Variants in DCC observed in about 807,000 individuals in gnomAD.
DCC encodes netrin receptor DCC.
In DCC, 58 loss-of-function variants were observed where a neutral mutation model predicts 172.5. That is an observed-to-expected ratio of 0.34 (90% CI 0.27 to 0.42). DCC has a LOEUF of 0.42. Among genes scored for constraint, DCC ranks in the 10% least tolerant of loss-of-function variants. The pLI is 1.00. For missense variants in DCC, 1,740 were observed against 1,791.0 expected (o/e 0.97, Z 0.51); for synonymous variants, 709 against 644.5 (o/e 1.10, Z -1.52).
intron 5 of DCC, among the ~76,000 whole-genome samples, chr18:52,988,560 C>T (rs966800315): frequency 6.6e-6 from 1 of 151,872 alleles, no homozygotes. Context: ...GTTATAAAAT[C>T]TATAATAAAT....
At chr18:52,404,654 TGTTTTC>T (rs1398838794) in intron 1 of DCC, among the ~76,000 whole-genome samples, 2 of 143,630 alleles carry the variant, frequency 1.4e-5, no homozygotes, top group African/African-American at 5.9e-5. Flanking sequence ...TTTTCTTTTT[TGTTTTC>T]TTTTTTTTTT....
chr18:52,612,060 G>A (rs1044052919), intron 1 of DCC, among the ~76,000 whole-genome samples: 1 of 151,972 alleles, frequency 6.6e-6, no homozygotes, highest in Non-Finnish European at 1.5e-5. Flanking sequence ...CACTTCTGTG[G>A]GTTGATGACT....
At chr18:53,121,109 C>T (rs1229320270) in intron 7 of DCC, among the ~76,000 whole-genome samples, 1 of 151,648 alleles carries the variant, frequency 6.6e-6, no homozygotes, top group Non-Finnish European at 1.5e-5. Context: ...TAGTGAGATG[C>T]CATAAAGCCA....
chr18:52,464,327 A>G (rs1244280453), intron 1 of DCC, among the ~76,000 whole-genome samples: 2 of 152,174 alleles, frequency 1.3e-5, no homozygotes, highest in African/African-American at 4.8e-5. Context: ...ACACCCAAAC[A>G]TCAGTGCTTA....
rs556707694 is a variant in DCC at position 53,262,984 on chromosome 18, T to C, written c.1912-42594T>C. On this transcript the variant is annotated intron_variant, in intron 12 of 28. Coordinates refer to ENST00000442544, the MANE Select transcript of DCC (RefSeq NM_005215.4). ...AGCATATCTGTAGATTTATTGGTCT[T>C]TCATTGGTAAGCATTGGCAATGAAA... 3.2e-4 allele frequency among the ~76,000 whole-genome samples: 49 copies of C among 152,310 alleles called. 1 individual carries two copies. The South Asian group carries it at 5.2e-3, about 16-fold the overall frequency.
chr18:52,843,275 G>T (rs1054604499), intron 2 of DCC, among the ~76,000 whole-genome samples: 1 of 152,126 alleles, frequency 6.6e-6, no homozygotes, highest in Non-Finnish European at 1.5e-5. Context: ...GGATGATTTA[G>T]CTTTAAGGGT....
chr18:53,097,360 G>A (rs1186591298), intron 7 of DCC, among the ~76,000 whole-genome samples: 1 of 152,118 alleles, frequency 6.6e-6, no homozygotes, highest in Non-Finnish European at 1.5e-5. Context: ...ACATCCTGTT[G>A]CCACCTATAT....
At chr18:53,263,245 G>A (rs2056627072) in intron 12 of DCC, among the ~76,000 whole-genome samples, 1 of 152,238 alleles carries the variant, frequency 6.6e-6, no homozygotes, top group African/African-American at 2.4e-5. Flanking sequence ...TCCGCCTCTG[G>A]GGTTCAAGCG....
At chr18:53,203,661 T>G (rs1001908339) in intron 9 of DCC, among the ~76,000 whole-genome samples, 4 of 152,214 alleles carry the variant, frequency 2.6e-5, no homozygotes, top group African/African-American at 9.6e-5. Flanking sequence ...ATCAACAGAT[T>G]CATGCCAGTC....
chr18:52,420,000 C>A (rs1444051375), intron 1 of DCC, among the ~76,000 whole-genome samples: 4 of 152,060 alleles, frequency 2.6e-5, no homozygotes, highest in Non-Finnish European at 5.9e-5. Flanking sequence ...TCTAATGTCC[C>A]CTCCTTGGAA....
At chr18:52,759,696 T>C (rs2037129283) in intron 2 of DCC, among the ~76,000 whole-genome samples, 1 of 152,216 alleles carries the variant, frequency 6.6e-6, no homozygotes, top group African/African-American at 2.4e-5. Flanking sequence ...ATAAAAAAGA[T>C]TCAAATCATA....
intron 5 of DCC, among the ~76,000 whole-genome samples, chr18:52,932,659 A>G (rs1943129): frequency 0.39 from 59,671 of 151,984 alleles, 12,335 homozygotes; most frequent in Non-Finnish European, 0.47. Context: ...TGTGTTAAGT[A>G]GAGTTCTCTC....
At chr18:53,095,792 C>CTT (rs71175552) in intron 7 of DCC, among the ~76,000 whole-genome samples, 2,624 of 126,196 alleles carry the variant, frequency 0.021, 124 homozygotes, top group African/African-American at 0.073. Context: ...ATATGGATAT[C>CTT]TTTTTTTTTT....
chr18:53,046,556 A>T (rs955617135), intron 5 of DCC, among the ~76,000 whole-genome samples: 2 of 151,820 alleles, frequency 1.3e-5, no homozygotes, highest in Non-Finnish European at 2.9e-5. Context: ...TTAATGTGGA[A>T]GGTCAGTATA....
intron 14 of DCC, among the ~76,000 whole-genome samples, chr18:53,331,688 G>A (rs907103207): frequency 6.6e-6 from 1 of 152,150 alleles, no homozygotes; most frequent in Non-Finnish European, 1.5e-5. Flanking sequence ...CCCTAAATAT[G>A]TATCTTAACT....
chr18:53,488,229 G>A (rs1259733585), intron 26 of DCC, among the ~76,000 whole-genome samples: 2 of 152,148 alleles, frequency 1.3e-5, no homozygotes, highest in Non-Finnish European at 2.9e-5. Flanking sequence ...TTCTAAATTA[G>A]TTGGGTGTGG....
intron 1 of DCC, among the ~76,000 whole-genome samples, chr18:52,527,777 G>A (rs1399909975): frequency 1.3e-5 from 2 of 152,136 alleles, no homozygotes; most frequent in East Asian, 3.9e-4. Flanking sequence ...GCTGGTAAAA[G>A]TATTTTCAAG....
chr18:53,091,292 A>G (rs1328164520), intron 7 of DCC, among the ~76,000 whole-genome samples: 1 of 146,274 alleles, frequency 6.8e-6, no homozygotes, highest in Non-Finnish European at 1.5e-5. Context: ...AGAGAATAAC[A>G]TGAAAAGAAA....
At chr18:53,309,575 T>C (rs1004852396) in intron 13 of DCC, among the ~76,000 whole-genome samples, 1 of 152,202 alleles carries the variant, frequency 6.6e-6, no homozygotes, top group Non-Finnish European at 1.5e-5. Flanking sequence ...TAATAAACTT[T>C]ACTTACTCAA....
Sources: gnomAD v4.1 joint callset for allele counts (sites outside exome capture counted in the v4.1 genomes callset) on GRCh38, gnomAD v4.1.1 for gene constraint, MANE v1.5 for transcripts, NCBI Gene and HGNC (gene_info 2026-07-23, HGNC 2026-07-21) for gene names.